Variants in CRHBP observed in about 807,000 individuals in gnomAD.
CRHBP encodes the protein corticotropin releasing hormone binding protein, also known as corticotropin-releasing hormone-binding protein.
Under a neutral mutation model 34.9 loss-of-function variants are expected in CRHBP, and 19 were observed. The ratio of observed to expected loss-of-function variants is 0.55; its 90% CI spans 0.38 to 0.80. The LOEUF is 0.80. CRHBP is among the 30% of genes least tolerant of loss of function. CRHBP has a pLI of 0.00. For missense variants in CRHBP, 328 were observed against 409.2 expected, an observed-to-expected ratio of 0.80 and a Z score of 1.71; for synonymous variants, 154 against 153.4, an observed-to-expected ratio of 1.00 and a Z score of -0.03.
intron 5 of CRHBP, among the ~76,000 whole-genome samples, chr5:76,959,310 C>T (rs981981992): frequency 3.9e-5 from 6 of 152,154 alleles, no homozygotes; most frequent in Admixed American, 1.3e-4. Flanking sequence ...GACAGAACTG[C>T]GTTGTGAAGG....
chr5:76,968,070 A>G (rs760886831), intron 6 of CRHBP, among the ~76,000 whole-genome samples: 2 of 152,192 alleles, frequency 1.3e-5, no homozygotes, highest in Non-Finnish European at 2.9e-5. Flanking sequence ...AAAATCAGAG[A>G]AAAGTTGTAA....
downstream of CRHBP, among the ~76,000 whole-genome samples, chr5:76,972,509 A>T (rs969093133): frequency 6.6e-6 from 1 of 151,936 alleles, no homozygotes; most frequent in Non-Finnish European, 1.5e-5. Context: ...AAAAAAAAAA[A>T]TTTATAGAGA....
intron 3 of CRHBP, 70 bp from the exon 4 acceptor site, chr5:76,955,583 C>A: frequency 2.1e-6 from 3 of 1,442,248 alleles, no homozygotes; most frequent in South Asian, 1.3e-5. Context: ...CTTTCCCCCC[C>A]TTTTCAACTC....
rs1266925425 is a variant in CRHBP, at chr5:76,953,655, C to CGGGAGCTGGCTG, written c.143_154dup (p.Leu48_Glu51dup). The CGGGAGCTGGCTG allele has an allele frequency of 6.2e-7, 1 of 1,611,018 alleles. No homozygotes were observed. The highest frequency in any genetic ancestry group is 8.5e-7 in the Non-Finnish European group (1 of 1,179,040). On this transcript the variant is annotated inframe_insertion, in exon 2 of 7. Transcript: ENST00000274368. ...CCTGCTCTTCAGCGCCAACCTGAAG[C>CGGGAGCTGGCTG]GGGAGCTGGCTGGGGAGCAGCCGTA...
chr5:76,965,911 T>A (rs1036080953), intron 6 of CRHBP, among the ~76,000 whole-genome samples: 1 of 152,190 alleles, frequency 6.6e-6, no homozygotes, highest in African/African-American at 2.4e-5. Context: ...AGGAACAAAG[T>A]AGCCGAAGCA....
chr5:76,958,098 G>A (rs1057200386), intron 4 of CRHBP, among the ~76,000 whole-genome samples: 1 of 152,008 alleles, frequency 6.6e-6, no homozygotes, highest in Non-Finnish European at 1.5e-5. Context: ...GGCAGAGGTT[G>A]CAGTGAGCTG....
chr5:76,959,543 G>A (rs1305355249), intron 5 of CRHBP, among the ~76,000 whole-genome samples: 1 of 152,166 alleles, frequency 6.6e-6, no homozygotes, highest in Non-Finnish European at 1.5e-5. Context: ...TTCCCTCTGA[G>A]TCATCCTCAT....
chr5:76,953,820 C>T (rs1026951888), intron 2 of CRHBP, 126 bp downstream of exon 2: 1 of 1,214,072 alleles, frequency 8.2e-7, no homozygotes, highest in Non-Finnish European at 1.1e-6. Flanking sequence ...GGCGCGGTCC[C>T]CTTAGCTAAG....
intron 6 of CRHBP, among the ~76,000 whole-genome samples, chr5:76,966,978 C>T (rs547358341): frequency 1.3e-5 from 2 of 152,334 alleles, no homozygotes; most frequent in Admixed American, 1.3e-4. Context: ...TGTGGTGGTT[C>T]ATGCCTGTAA....
intron 5 of CRHBP, among the ~76,000 whole-genome samples, chr5:76,960,101 A>G (rs992223590): frequency 6.6e-6 from 1 of 152,242 alleles, no homozygotes; most frequent in African/African-American, 2.4e-5. Context: ...CAAAATTGCC[A>G]TGTATTTCAG....
In CRHBP at chr5:76,963,467, TATTTCTTTG is replaced by T. The variant is rs763001147; in HGVS notation, c.811+11_811+19del. On this transcript the variant is annotated splice_region_variant and intron_variant, in intron 6 of 6. Coordinates refer to ENST00000274368, the MANE Select transcript of CRHBP (RefSeq NM_001882.4). Reference sequence around the variant, plus strand: ...TACCCCTTTCATGGCCCGGGTGAGGTATTTCTTTGATTGTTATGTATGTGCCTATCAAGA... The same window carrying T: ...TACCCCTTTCATGGCCCGGGTGAGGTATTGTTATGTATGTGCCTATCAAGA... 6.2e-7 allele frequency: 1 copy of T among 1,607,368 alleles called. No individual in the cohort carries two copies. Among genetic ancestry groups the T allele is most frequent in the Non-Finnish European group, 8.5e-7 (1 of 1,174,102 alleles).
In CRHBP at chr5:76,960,088, A is replaced by G. The variant is rs569229969; in HGVS notation, c.693+1199A>G. ...ACCCTGCATTCAAGTGGGATGAGAC[A>G]GGCAAAATTGCCATGTATTTCAGTT... On this transcript the variant is annotated intron_variant, in intron 5 of 6. Transcript: ENST00000274368. Among the ~76,000 whole-genome samples the G allele has an allele frequency of 2.0e-5, 3 of 152,366 alleles. No individual in the cohort carries two copies. The South Asian group carries it at 6.2e-4, about 32-fold the overall frequency.
At chr5:76,966,615 T>C (rs994134121) in intron 6 of CRHBP, among the ~76,000 whole-genome samples, 24 of 152,268 alleles carry the variant, frequency 1.6e-4, no homozygotes, top group African/African-American at 5.5e-4. Context: ...GTTTTCCTTT[T>C]GATCCAGCTT....
At chr5:76,965,662 A>G (rs1745850297) in intron 6 of CRHBP, among the ~76,000 whole-genome samples, 1 of 152,224 alleles carries the variant, frequency 6.6e-6, no homozygotes, top group African/African-American at 2.4e-5. Flanking sequence ...CTTGAGTGAT[A>G]TAACTTGAAT....
downstream of CRHBP, among the ~76,000 whole-genome samples, chr5:76,972,987 G>A (rs577880503): frequency 2.6e-5 from 4 of 152,266 alleles, no homozygotes; most frequent in South Asian, 8.3e-4. Flanking sequence ...ACAGAGGCTT[G>A]AACAGAGGAC....
intron 4 of CRHBP, among the ~76,000 whole-genome samples, chr5:76,957,195 T>G (rs183636954): frequency 9.2e-5 from 14 of 152,178 alleles, no homozygotes; most frequent in African/African-American, 3.4e-4. Flanking sequence ...TTAAAAAAGT[T>G]TATTAAAAAA....
At chr5:76,954,572 C>T (rs11741842) in intron 3 of CRHBP, among the ~76,000 whole-genome samples, 9,394 of 152,270 alleles carry the variant, frequency 0.062, 399 homozygotes, top group Middle Eastern at 0.11. Flanking sequence ...CTGGGGTCCA[C>T]CAAGCGGGCC....
chr5:76,956,092 A>C (rs1290222644), intron 4 of CRHBP, among the ~76,000 whole-genome samples: 2 of 152,214 alleles, frequency 1.3e-5, no homozygotes, highest in Non-Finnish European at 2.9e-5. Context: ...GAAGAGTACA[A>C]TTCTATCTTT....
chr5:76,975,841 T>G (rs867212182), intron 2 of CRHBP, among the ~76,000 whole-genome samples: 3 of 99,114 alleles, frequency 3.0e-5, no homozygotes, highest in African/African-American at 1.6e-4. Flanking sequence ...TATATATATA[T>G]ATATACACGC....
Sources: allele counts gnomAD v4.1 joint callset (sites outside exome capture counted in the v4.1 genomes callset), GRCh38; gene constraint gnomAD v4.1.1; transcripts MANE v1.5; gene names NCBI Gene and HGNC (gene_info 2026-07-23, HGNC 2026-07-21).